NUDT3: variants seen among roughly 807,000 people sequenced by gnomAD.
The protein encoded by NUDT3 is diphosphoinositol polyphosphate phosphohydrolase 1.
A neutral mutation model predicts 23.6 loss-of-function variants in NUDT3; 9 were observed. That is an observed-to-expected ratio of 0.38 (90% CI 0.23 to 0.66). The LOEUF (loss-of-function observed/expected upper bound fraction) is 0.66. Ranked by LOEUF, NUDT3 falls within the 30% of genes least tolerant of loss-of-function variation. NUDT3 has a pLI of 0.52. For missense variants in NUDT3, 172 were observed against 218.5 expected (o/e 0.79, Z 1.34); for synonymous variants, 86 against 82.6 (o/e 1.04, Z -0.22).
intron 1 of NUDT3, among the ~76,000 whole-genome samples, chr6:34,368,072 G>A (rs1486963103): frequency 3.3e-5 from 5 of 152,144 alleles, no homozygotes; most frequent in Non-Finnish European, 7.3e-5. Flanking sequence ...GTGGTGGCAT[G>A]TGCCTGTAGT....
At chr6:34,390,823 T>A (rs1042069376) in intron 1 of NUDT3, among the ~76,000 whole-genome samples, 7 of 152,206 alleles carry the variant, frequency 4.6e-5, no homozygotes, top group African/African-American at 1.7e-4. Context: ...TGATTTCCCA[T>A]AACATGATAT....
rs1303491936 is a variant in NUDT3 at position 34,285,471 on chromosome 6, G to A, written c.*3282C>T. On this transcript the variant is annotated 3_prime_UTR_variant, in exon 5 of 5. Coordinates refer to ENST00000607016, the MANE Select transcript of NUDT3 (RefSeq NM_006703.4). ...CTGAGTTTGGTAGACTTTAATGGAT[G>A]CTCCAGCAATAACCAGAATCTAGGA... 1.3e-5 allele frequency: 2 copies of A among 152,174 alleles called. No homozygotes were observed. Among genetic ancestry groups the A allele is most frequent in the Non-Finnish European group, 2.9e-5 (2 of 68,032 alleles). The allele number at this position is 152,174 out of a possible 1,614,324, so 9.4% of individuals were successfully genotyped here.
chr6:34,348,044 A>T (rs1764406256), intron 1 of NUDT3, among the ~76,000 whole-genome samples: 1 of 152,012 alleles, frequency 6.6e-6, no homozygotes, highest in South Asian at 2.1e-4. Context: ...CATGCCTGTA[A>T]TCCTAGCACT....
At chr6:34,341,746 C>T (rs575414363) in intron 2 of NUDT3, 116 bp downstream of exon 2, 1 of 823,790 alleles carries the variant, frequency 1.2e-6, no homozygotes, top group East Asian at 2.9e-5. Flanking sequence ...CCATTCATTG[C>T]CCTTTTTCTG....
intron 1 of NUDT3, among the ~76,000 whole-genome samples, chr6:34,367,754 T>C (rs1429626546): frequency 6.6e-6 from 1 of 152,208 alleles, no homozygotes; most frequent in Middle Eastern, 3.2e-3. Flanking sequence ...TAGCCTTGCA[T>C]TTGGACATTG....
chr6:34,353,515 C>T (rs1581885250), intron 1 of NUDT3, among the ~76,000 whole-genome samples: 1 of 151,344 alleles, frequency 6.6e-6, no homozygotes, highest in South Asian at 2.1e-4. Flanking sequence ...GATTCTCTTA[C>T]CTCAGCCTCC....
chr6:34,363,803 C>T (rs1764684381), intron 1 of NUDT3, among the ~76,000 whole-genome samples: 1 of 151,168 alleles, frequency 6.6e-6, no homozygotes. Flanking sequence ...GAGATAGTCT[C>T]GCTCTGTCAC....
intron 2 of NUDT3, among the ~76,000 whole-genome samples, chr6:34,306,565 C>G (rs1186875988): frequency 7.2e-5 from 11 of 152,226 alleles, no homozygotes; most frequent in Admixed American, 7.2e-4. Flanking sequence ...AAAGCAAACA[C>G]AACTGTTTTG....
At position 34,334,382 on chromosome 6, in the gene NUDT3, T is replaced by C. The variant is rs141619495; in HGVS notation, c.210+7480A>G. 2.1e-3 allele frequency among the ~76,000 whole-genome samples: 324 copies of C among 152,276 alleles called. 1 individual carries two copies. The highest frequency in any genetic ancestry group is 0.011 in the East Asian group (56 of 5,178). ...GACCAGGGGCGGTGGCTCACACCTG[T>C]AATCCCAGCACTTTGGGAGGCCGAG... On this transcript the variant is annotated intron_variant, in intron 2 of 4. Transcript: ENST00000607016.
At position 34,284,286 on chromosome 6, in the gene NUDT3, G is replaced by C. The variant is rs780340944; in HGVS notation, c.*4467C>G. The C allele has an allele frequency of 2.6e-5, 4 of 152,054 alleles. No individual in the cohort carries two copies. Among genetic ancestry groups the C allele is most frequent in the Non-Finnish European group, 5.9e-5 (4 of 68,016 alleles). 9.4% of individuals were successfully genotyped at this position (152,054 alleles called of 1,614,324 possible). On this transcript the variant is annotated 3_prime_UTR_variant, in exon 5 of 5. Coordinates refer to ENST00000607016, the MANE Select transcript of NUDT3 (RefSeq NM_006703.4). ...GTGTCCTGTGTTTTGTAAAGATGAGGGTTATTTTCTGAAATGCAGATGGGA... is the reference window on the plus strand; with the variant it reads ...GTGTCCTGTGTTTTGTAAAGATGAGCGTTATTTTCTGAAATGCAGATGGGA...
chr6:34,327,632 G>A (rs1764060957), intron 2 of NUDT3, among the ~76,000 whole-genome samples: 1 of 152,176 alleles, frequency 6.6e-6, no homozygotes, highest in African/African-American at 2.4e-5. Flanking sequence ...GAGTATGGGA[G>A]GAACATGAAA....
intron 2 of NUDT3, among the ~76,000 whole-genome samples, chr6:34,315,857 C>T (rs1040781944): frequency 3.3e-5 from 5 of 152,110 alleles, no homozygotes; most frequent in African/African-American, 1.2e-4. Flanking sequence ...AGTTTTACAC[C>T]CAGAGCTTTG....
rs534955194 is a variant in NUDT3 at position 34,391,237 on chromosome 6, G to A, written c.99+1027C>T. On this transcript the variant is annotated intron_variant, in intron 1 of 4. Coordinates refer to ENST00000607016, the MANE Select transcript of NUDT3 (RefSeq NM_006703.4). ...CGACACTGCACTGTACTGCGGCCCTGCCACCATAGCCCACTGCTGAATCCA... is the reference window on the plus strand; with the variant it reads ...CGACACTGCACTGTACTGCGGCCCTACCACCATAGCCCACTGCTGAATCCA... 2.0e-5 allele frequency among the ~76,000 whole-genome samples: 3 copies of A among 152,266 alleles called. No homozygotes were observed. In the East Asian group the frequency reaches 5.8e-4, roughly 29 times the overall value.
intron 2 of NUDT3, among the ~76,000 whole-genome samples, chr6:34,328,887 G>A (rs1357180504): frequency 6.6e-6 from 1 of 152,076 alleles, no homozygotes; most frequent in Non-Finnish European, 1.5e-5. Context: ...AAAAATGCAT[G>A]TTATTTCTCT....
chr6:34,311,794 A>T (rs556664600), intron 2 of NUDT3, among the ~76,000 whole-genome samples: 1 of 152,364 alleles, frequency 6.6e-6, no homozygotes, highest in South Asian at 2.1e-4. Flanking sequence ...TCTTTGACAA[A>T]GGAATAAGAA....
At chr6:34,358,249 T>A (rs1440057265) in intron 1 of NUDT3, among the ~76,000 whole-genome samples, 1 of 143,076 alleles carries the variant, frequency 7.0e-6, no homozygotes, top group Non-Finnish European at 1.5e-5. Context: ...AGAAACTGCA[T>A]GAGTAGTTTA....
At chr6:34,385,020 C>T (rs955560787) in intron 1 of NUDT3, among the ~76,000 whole-genome samples, 6 of 136,858 alleles carry the variant, frequency 4.4e-5, no homozygotes, top group African/African-American at 1.8e-4. Flanking sequence ...CAGAGCAAGA[C>T]CCTGCCTCCA....
At position 34,282,347 on chromosome 6, in the gene NUDT3, C is replaced by T. The variant is rs1033756263; in HGVS notation, c.*6406G>A. ...CAGGACGACTTCTTAAAGGGATTCACAGGCAATATTACTGGCAAAATGATT... is the reference window on the plus strand; with the variant it reads ...CAGGACGACTTCTTAAAGGGATTCATAGGCAATATTACTGGCAAAATGATT... On this transcript the variant is annotated 3_prime_UTR_variant, in exon 5 of 5. Coordinates refer to ENST00000607016, the MANE Select transcript of NUDT3 (RefSeq NM_006703.4). The T allele has an allele frequency of 1.3e-5, 2 of 152,190 alleles. No homozygotes were observed. Among genetic ancestry groups the T allele is most frequent in the Non-Finnish European group, 2.9e-5 (2 of 68,046 alleles). 9.4% of individuals were successfully genotyped at this position (152,190 alleles called of 1,614,324 possible). A position where few individuals can be genotyped will look rare whatever the true frequency, so the allele number is the denominator to read the frequency against.
chr6:34,301,589 G>T (rs999754974), intron 2 of NUDT3, among the ~76,000 whole-genome samples: 1 of 152,234 alleles, frequency 6.6e-6, no homozygotes, highest in African/African-American at 2.4e-5. Context: ...CCTACAGCCA[G>T]CTAACCTCCA....
Sources: allele counts gnomAD v4.1 joint callset (sites outside exome capture counted in the v4.1 genomes callset), GRCh38; gene constraint gnomAD v4.1.1; transcripts MANE v1.5; gene names NCBI Gene and HGNC (gene_info 2026-07-23, HGNC 2026-07-21).